TRPM5: variants seen among roughly 807,000 people sequenced by gnomAD.
TRPM5 encodes the protein MLSN1 and TRP-related.
A neutral mutation model predicts 124.9 loss-of-function variants in TRPM5; 121 were observed. The observed-to-expected ratio is 0.97, with a 90% CI of 0.84 to 1.13. The LOEUF (loss-of-function observed/expected upper bound fraction) is 1.13, where lower values mean the gene tolerates loss of function less well. Ranked by LOEUF, TRPM5 falls within the 50% of genes most tolerant of loss-of-function variation. TRPM5 has a pLI of 0.00. For synonymous variants in TRPM5, 781 were observed against 700.5 expected (o/e 1.11, Z -1.81); for missense variants, 1,643 against 1,589.1 (o/e 1.03, Z -0.58).
At chr11:2,426,916 T>C (rs1443850865), upstream of TRPM5, among the ~76,000 whole-genome samples, 1 of 152,154 alleles carries the variant, frequency 6.6e-6, no homozygotes, top group Non-Finnish European at 1.5e-5. Context: ...GAGGACACAG[T>C]AGTGACCTGG....
intron 20 of TRPM5, 49 bp downstream of exon 25, chr11:2,407,070 C>T: frequency 6.7e-7 from 1 of 1,489,092 alleles, no homozygotes; most frequent in Non-Finnish European, 8.9e-7. Context: ...CGCCCTGGGA[C>T]CCGCCACCTC....
intron 16 of TRPM5, 92 bp from the exon 22 acceptor site, chr11:2,411,859 AG>A: frequency 6.5e-7 from 1 of 1,532,336 alleles, no homozygotes; most frequent in Middle Eastern, 2.2e-4. Flanking sequence ...GGGCAGGGCC[AG>A]GGCCAGGCCA....
the TRPM5 span, among the ~76,000 whole-genome samples, chr11:2,430,587 TTGA>T: frequency 1.4e-3 from 207 of 149,854 alleles, 1 homozygote; most frequent in Middle Eastern, 0.01. Context: ...GGTGACGGTG[TTGA>T]TGGTGGTGGT....
At chr11:2,437,175 A>T in the TRPM5 span, among the ~76,000 whole-genome samples, 1 of 152,228 alleles carries the variant, frequency 6.6e-6, no homozygotes, top group East Asian at 1.9e-4. The surrounding 1 kb of genome is among the most constrained non-coding windows in gnomAD (Gnocchi z 5.6). Context: ...TCACACATGC[A>T]CACCTACACA....
chr11:2,430,068 G>A, the TRPM5 span, among the ~76,000 whole-genome samples: 7 of 152,062 alleles, frequency 4.6e-5, no homozygotes, highest in South Asian at 6.2e-4. Flanking sequence ...AACTGCAGAA[G>A]TTCTTCCCCA....
At chr11:2,415,202 G>C (rs772276519) in exon 9 of TRPM5, 5 of 1,583,128 alleles carry the variant, frequency 3.2e-6, no homozygotes, top group East Asian at 4.6e-5. Context: ...GTACGCGGGA[G>C]ACCTCGTGCA....
chr11:2,422,788 T>C, intron 1 of TRPM5, 132 bp downstream of exon 6: 2 of 784,624 alleles, frequency 2.5e-6, no homozygotes, highest in South Asian at 1.4e-5. Context: ...CTGGGGGCTC[T>C]GAATATGGCC....
chr11:2,442,615 G>A, the TRPM5 span, among the ~76,000 whole-genome samples: 1 of 152,146 alleles, frequency 6.6e-6, no homozygotes, highest in African/African-American at 2.4e-5. This position sits in a 1 kb window ranked among gnomAD's most constrained non-coding sequence, Gnocchi z 5.9. Flanking sequence ...CATATCTTTG[G>A]GTTATTTCCT....
the TRPM5 span, among the ~76,000 whole-genome samples, chr11:2,431,243 C>T: frequency 4.5e-4 from 68 of 152,200 alleles, no homozygotes; most frequent in African/African-American, 1.6e-3. Flanking sequence ...AGGGACCCCA[C>T]AAGCCCTCAG....
chr11:2,407,778 G>C, exon 19 of TRPM5: 1 of 1,613,850 alleles, frequency 6.2e-7, no homozygotes, highest in South Asian at 1.1e-5. Context: ...GCGATGAGCA[G>C]GTTCATGAGC....
At chr11:2,416,827 C>A (rs1378228078) in intron 7 of TRPM5, among the ~76,000 whole-genome samples, 1 of 152,214 alleles carries the variant, frequency 6.6e-6, no homozygotes, top group Non-Finnish European at 1.5e-5. Context: ...ACATCAAATG[C>A]TCATCAAAAT....
intron 8 of TRPM5, 43 bp from the exon 14 acceptor site, chr11:2,415,514 G>A: frequency 7.4e-7 from 1 of 1,352,746 alleles, no homozygotes; most frequent in African/African-American, 1.5e-5. Flanking sequence ...ACAAGAGAGT[G>A]AGCGAGAGAC....
chr11:2,436,749 G>A, the TRPM5 span, among the ~76,000 whole-genome samples: 1 of 152,250 alleles, frequency 6.6e-6, no homozygotes, highest in African/African-American at 2.4e-5. Flanking sequence ...GCTGTGTCAG[G>A]AGCAGTCTCC....
chr11:2,438,600 G>A, the TRPM5 span, among the ~76,000 whole-genome samples: 1 of 152,172 alleles, frequency 6.6e-6, no homozygotes, highest in Non-Finnish European at 1.5e-5. This position sits in a 1 kb window ranked among gnomAD's most constrained non-coding sequence, Gnocchi z 5.9. Context: ...CTGGGAGGTT[G>A]AGGCTGCAGT....
chr11:2,422,862 G>A (rs1845791464), intron 1 of TRPM5, 58 bp downstream of exon 6: 1 of 1,459,658 alleles, frequency 6.9e-7, no homozygotes, highest in Non-Finnish European at 9.6e-7. Context: ...AAGGAAATGG[G>A]GCCTCATGGG....
At chr11:2,428,173 A>G in the TRPM5 span, among the ~76,000 whole-genome samples, 1 of 151,824 alleles carries the variant, frequency 6.6e-6, no homozygotes. The surrounding 1 kb of genome is among the most constrained non-coding windows in gnomAD (Gnocchi z 4.0). Context: ...TCAAACAGGG[A>G]CTCTAATAGC....
rs746063061 is a variant in TRPM5 at position 2,420,425 on chromosome 11, C to A, written c.466-20G>T. 3 of 1,586,236 alleles carry A rather than the reference C, an allele frequency of 1.9e-6. No homozygotes were observed. Among genetic ancestry groups the A allele is most frequent in the Admixed American group, 3.4e-5 (2 of 58,420 alleles). On this transcript the variant is annotated intron_variant, in intron 3 of 23. Coordinates refer to ENST00000155858, the Ensembl canonical transcript of TRPM5. ...ATCCTCCTGCGCCCATGCAGGGAGACGAGGCTGAGCCCTCGAGAGGCAGCT... is the reference window on the plus strand; with the variant it reads ...ATCCTCCTGCGCCCATGCAGGGAGAAGAGGCTGAGCCCTCGAGAGGCAGCT...
chr11:2,412,644 G>C (rs1297976174), intron 15 of TRPM5, 110 bp downstream of exon 20: 2 of 1,222,648 alleles, frequency 1.6e-6, no homozygotes, highest in Non-Finnish European at 2.2e-6. Flanking sequence ...CCCCCATGCT[G>C]TTCTTGTTTT....
Position 2,406,092 on chromosome 11 carries a change from C to G in TRPM5, c.3252-1G>C. 4.3e-6 allele frequency: 7 copies of G among 1,611,474 alleles called. No individual in the cohort carries two copies. The highest frequency in any genetic ancestry group is 5.9e-6 in the Non-Finnish European group (7 of 1,179,934). On this transcript the variant is annotated splice_acceptor_variant, in intron 21 of 23. Coordinates refer to ENST00000155858, the Ensembl canonical transcript of TRPM5. LOFTEE classifies it high-confidence loss of function. ...GAGGTACTTGGCAATGAAGTCCACTCTGCGGCAGGAGCAGGTGGTCAGGCT... is the reference window on the plus strand; with the variant it reads ...GAGGTACTTGGCAATGAAGTCCACTGTGCGGCAGGAGCAGGTGGTCAGGCT...
Sources: gnomAD v4.1 joint callset for allele counts (sites outside exome capture counted in the v4.1 genomes callset) on GRCh38, gnomAD v4.1.1 for gene constraint, Gnocchi (gnomAD v3.1) non-coding constraint, MANE v1.5 for transcripts, NCBI Gene and HGNC (gene_info 2026-07-23, HGNC 2026-07-21) for gene names.